The following CHEK1 variants were observed in gnomAD, a reference collection of about 807,000 sequenced individuals.
CHEK1 encodes serine/threonine-protein kinase Chk1.
In CHEK1, 32 loss-of-function variants were observed where a neutral mutation model predicts 60.2. The ratio of observed to expected loss-of-function variants is 0.53; its 90% confidence interval spans 0.40 to 0.71. The LOEUF (loss-of-function observed/expected upper bound fraction) is 0.71, where lower values mean the gene tolerates loss of function less well. CHEK1 is among the 30% of genes least tolerant of loss of function. CHEK1 has a pLI of 0.00. For synonymous variants in CHEK1, 179 were observed against 187.2 expected, an observed-to-expected ratio of 0.96 and a Z score of 0.36; for missense variants, 399 against 564.6, an observed-to-expected ratio of 0.71 and a Z score of 2.97.
At chr11:125,631,697 TAAAAA>T (rs1038869452) in intron 5 of CHEK1, among the ~76,000 whole-genome samples, 1 of 145,288 alleles carries the variant, frequency 6.9e-6, no homozygotes, top group African/African-American at 2.5e-5. Context: ...TATGAAAAAT[TAAAAA>T]AAAAAATTAG....
At chr11:125,676,576 A>G, downstream of CHEK1, 1 of 1,421,640 alleles carries the variant, frequency 7.0e-7, no homozygotes, top group Non-Finnish European at 9.8e-7. Flanking sequence ...GGTAGCATGG[A>G]TACTACACAT....
downstream of CHEK1, among the ~76,000 whole-genome samples, chr11:125,678,822 T>C (rs1454984079): frequency 6.6e-6 from 1 of 151,502 alleles, no homozygotes; most frequent in Non-Finnish European, 1.5e-5. Context: ...GGATGACAAG[T>C]ATGAGCCCAC....
Position 125,635,513 on chromosome 11 carries a change from A to C in CHEK1, c.698A>C (p.Lys233Thr). ...EKKTYLNPWK[K>T]IDSAPLALLH... is the part of the protein sequence containing the mutation. ...AAAACATACCTCAACCCTTGGAAAA[A>C]AATCGATTCTGCTCCTCTAGGTAAC... The change falls in exon 7 of 13, where the codon AAA (lysine) becomes ACA (threonine). Residue 233 changes from lysine (K) to threonine (T), a missense_variant. Lys to Thr is a moderately conservative substitution (Grantham distance 78). Transcript: ENST00000438015. The C allele has an allele frequency of 6.2e-7, 1 of 1,605,174 alleles. No individual in the cohort carries two copies. Among genetic ancestry groups the C allele is most frequent in the Non-Finnish European group, 8.5e-7 (1 of 1,176,278 alleles).
At chr11:125,678,085 CA>C, downstream of CHEK1, 1 of 1,614,190 alleles carries the variant, frequency 6.2e-7, no homozygotes, top group East Asian at 2.2e-5. Context: ...TCACTCTCAG[CA>C]TGTTCTCCAG....
intron 6 of CHEK1, among the ~76,000 whole-genome samples, chr11:125,634,913 A>C (rs758239646): frequency 6.6e-6 from 1 of 151,986 alleles, no homozygotes; most frequent in Non-Finnish European, 1.5e-5. Flanking sequence ...TATCATGTAA[A>C]CATTTGTGAA....
intron 8 of CHEK1, among the ~76,000 whole-genome samples, chr11:125,641,063 TTAGTAGC>T: frequency 6.6e-6 from 1 of 152,304 alleles, no homozygotes; most frequent in Non-Finnish European, 1.5e-5. Flanking sequence ...TGTAACTCCC[TTAGTAGC>T]TGTTTTGGTT....
intron 5 of CHEK1, among the ~76,000 whole-genome samples, chr11:125,631,616 A>AACACTTTGG (rs113842487): frequency 0.079 from 11,997 of 152,078 alleles, 563 homozygotes; most frequent in African/African-American, 0.13. Context: ...CTGTAATCCC[A>AACACTTTGG]GAGGCTGAGG....
chr11:125,672,614 T>A lies in CHEK1; in HGVS notation c.*28-3314T>A, dbSNP rs774089288. ...GCTTCTAGATCTTATTGCAGAAAGATTGATTTCGACAGCATATAATTTGCA... is the reference window on the plus strand; with the variant it reads ...GCTTCTAGATCTTATTGCAGAAAGAATGATTTCGACAGCATATAATTTGCA... On this transcript the variant is annotated intron_variant, in intron 13 of 13. Transcript: ENST00000428830. 4.3e-5 allele frequency: 69 copies of A among 1,614,000 alleles called. No individual in the cohort carries two copies. Among genetic ancestry groups the A allele is most frequent in the Non-Finnish European group, 5.8e-5 (68 of 1,180,018 alleles).
Position 125,667,702 on chromosome 11 carries a change from C to A in CHEK1, c.*28-8226C>A, listed in dbSNP as rs568120428. Among the ~76,000 whole-genome samples the A allele has an allele frequency of 6.4e-3, 968 of 152,244 alleles. 7 individuals carry two copies. Among genetic ancestry groups the A allele is most frequent in the African/African-American group, 0.022 (924 of 41,540 alleles). ...GTGGCACGATCTCAGTTCACTGCAA[C>A]CTCTGCCTCCTGGGTTCAAGCAATT... is the stretch of plus-strand genomic sequence containing the variant. On this transcript the variant is annotated intron_variant, in intron 13 of 13. Transcript: ENST00000428830.
At chr11:125,663,826 A>G (rs1942055934) in intron 13 of CHEK1, among the ~76,000 whole-genome samples, 1 of 151,896 alleles carries the variant, frequency 6.6e-6, no homozygotes, top group South Asian at 2.1e-4. Flanking sequence ...ATCCATCTTG[A>G]CTTTATTTTT....
chr11:125,655,343 T>C lies in CHEK1; in HGVS notation c.*23T>C. 1.3e-6 allele frequency: 2 copies of C among 1,509,848 alleles called. No individual in the cohort carries two copies. Among genetic ancestry groups the C allele is most frequent in the South Asian group, 2.3e-5 (2 of 88,452 alleles). The allele number at this position is 1,509,848 out of a possible 1,614,324, so 93.5% of individuals were successfully genotyped here. A position where few individuals can be genotyped will look rare whatever the true frequency, so the allele number is the denominator to read the frequency against. ...TGATCGGACCATCGGCTCTGGGGAA[T>C]CCTGGTGAATATAGTGCTGCTATGT... On this transcript the variant is annotated 3_prime_UTR_variant, in exon 13 of 13. Transcript: ENST00000438015.
chr11:125,635,785 T>A, intron 7 of CHEK1: 1 of 234,926 alleles, frequency 4.3e-6, no homozygotes, highest in Non-Finnish European at 8.2e-6. Flanking sequence ...TTAGATGGCT[T>A]TTTACTTAAA....
rs550000155 is a variant in CHEK1 at position 125,629,534 on chromosome 11, T to C, written c.424+74T>C. 4,317 of 1,120,494 alleles carry C rather than the reference T, an allele frequency of 3.9e-3. 20 individuals carry two copies. Among genetic ancestry groups the C allele is most frequent in the Non-Finnish European group, 4.9e-3 (3,828 of 786,876 alleles). The allele number at this position is 1,120,494 out of a possible 1,614,324, so 69.4% of individuals were successfully genotyped here. ...TAAATTATTTTAATTACCTAATTAT[T>C]TTAATATAGCCATACAAGGCAAAAT... On this transcript the variant is annotated intron_variant, in intron 5 of 12. Transcript: ENST00000438015.
intron 13 of CHEK1, chr11:125,671,888 T>C (rs1001284945): frequency 2.0e-5 from 3 of 152,230 alleles, no homozygotes; most frequent in African/African-American, 7.2e-5. Flanking sequence ...AGGGACCGTT[T>C]AGTATTTCCA....
intron 5 of CHEK1, among the ~76,000 whole-genome samples, chr11:125,632,959 G>T (rs1225082231): frequency 6.6e-6 from 1 of 152,130 alleles, no homozygotes; most frequent in Non-Finnish European, 1.5e-5. Context: ...AATAGAAGAG[G>T]TGAGGCCTTT....
At chr11:125,657,774 A>G (rs900330465), downstream of CHEK1, among the ~76,000 whole-genome samples, 5 of 152,204 alleles carry the variant, frequency 3.3e-5, no homozygotes, top group African/African-American at 1.2e-4. Context: ...GCTATTATAA[A>G]ATTCTTCTAA....
intron 5 of CHEK1, among the ~76,000 whole-genome samples, chr11:125,632,336 T>C (rs2135987262): frequency 6.6e-6 from 1 of 152,342 alleles, no homozygotes; most frequent in East Asian, 1.9e-4. Context: ...GAGTGAATGT[T>C]TCACAGTTTA....
downstream of CHEK1, chr11:125,680,604 G>C: frequency 1.2e-6 from 1 of 828,230 alleles, no homozygotes; most frequent in Admixed American, 2.3e-5. Flanking sequence ...GACTTGTTTA[G>C]CTGCTCTTGA....
At chr11:125,671,612 T>G (rs1393391781) in intron 13 of CHEK1, 2 of 152,214 alleles carry the variant, frequency 1.3e-5, no homozygotes, top group African/African-American at 4.8e-5. Flanking sequence ...AGAACCATTC[T>G]GGCTACTTTC....
Sources: gnomAD v4.1 joint callset for allele counts (sites outside exome capture counted in the v4.1 genomes callset) on GRCh38, gnomAD v4.1.1 for gene constraint, MANE v1.5 for transcripts, NCBI Gene and HGNC (gene_info 2026-07-23, HGNC 2026-07-21) for gene names.